Variants in PTPRD observed in about 807,000 individuals in gnomAD.
The protein encoded by PTPRD is receptor-type tyrosine-protein phosphatase delta.
Under a neutral mutation model 214.5 loss-of-function variants are expected in PTPRD, and 34 were observed. The observed-to-expected ratio is 0.16, with a 90% confidence interval of 0.12 to 0.21. The LOEUF (loss-of-function observed/expected upper bound fraction) is 0.21, where lower values mean the gene tolerates loss of function less well. PTPRD is among the 10% of genes least tolerant of loss of function. The pLI is 1.00. For synonymous variants in PTPRD, 1,128 were observed against 845.7 expected, an observed-to-expected ratio of 1.33 and a Z score of -5.79; for missense variants, 2,545 against 2,398.7, an observed-to-expected ratio of 1.06 and a Z score of -1.27.
chr9:9,360,122 GT>G (rs1204923941), intron 9 of PTPRD, among the ~76,000 whole-genome samples: 1 of 151,102 alleles, frequency 6.6e-6, no homozygotes, highest in Non-Finnish European at 1.5e-5. Context: ...TAAGTACAAT[GT>G]GTTTAGATTT....
chr9:10,027,344 G>C (rs2096943746), intron 4 of PTPRD, among the ~76,000 whole-genome samples: 1 of 152,150 alleles, frequency 6.6e-6, no homozygotes, highest in Non-Finnish European at 1.5e-5. Context: ...GGGGAAAAGA[G>C]GTAGACAGAA....
intron 5 of PTPRD, among the ~76,000 whole-genome samples, chr9:9,832,987 A>C (rs1348397295): frequency 6.6e-6 from 1 of 151,906 alleles, no homozygotes; most frequent in Non-Finnish European, 1.5e-5. Flanking sequence ...AAATAATTCC[A>C]GGCCTGTTTT....
intron 11 of PTPRD, among the ~76,000 whole-genome samples, chr9:8,841,700 T>G (rs750076383): frequency 1.1e-5 from 1 of 89,024 alleles, no homozygotes; most frequent in Non-Finnish European, 2.1e-5. Context: ...ACTTAGAGTC[T>G]CAGAAGTGAC....
At chr9:8,392,443 T>C (rs1264697227) in intron 36 of PTPRD, among the ~76,000 whole-genome samples, 1 of 152,008 alleles carries the variant, frequency 6.6e-6, no homozygotes, top group East Asian at 1.9e-4. Flanking sequence ...GGAGGATCAT[T>C]TGAGTCCAGG....
At chr9:10,419,640 T>C (rs115511667) in intron 2 of PTPRD, among the ~76,000 whole-genome samples, 2,479 of 151,906 alleles carry the variant, frequency 0.016, 50 homozygotes, top group South Asian at 0.049. Flanking sequence ...GCTTTCTTAA[T>C]TTTTTTAAAC....
intron 3 of PTPRD, among the ~76,000 whole-genome samples, chr9:10,323,683 G>C (rs1226437596): frequency 6.6e-6 from 1 of 151,874 alleles, no homozygotes; most frequent in Non-Finnish European, 1.5e-5. Flanking sequence ...AATGTCATCT[G>C]TTTAATATGC....
chr9:9,232,664 A>G (rs2099963850), intron 9 of PTPRD, among the ~76,000 whole-genome samples: 1 of 152,120 alleles, frequency 6.6e-6, no homozygotes, highest in Non-Finnish European at 1.5e-5. Context: ...TCTTTTGTTT[A>G]GTTTTATATA....
intron 11 of PTPRD, among the ~76,000 whole-genome samples, chr9:8,946,523 T>C (rs1382224546): frequency 6.6e-6 from 1 of 152,178 alleles, no homozygotes; most frequent in African/African-American, 2.4e-5. Flanking sequence ...TAGCATACTC[T>C]TGGTAGCTGT....
intron 11 of PTPRD, among the ~76,000 whole-genome samples, chr9:8,983,461 G>A (rs2099324158): frequency 1.3e-5 from 2 of 151,910 alleles, no homozygotes; most frequent in African/African-American, 4.8e-5. Context: ...TTTCTCTTAA[G>A]TGACTTTTTT....
rs552478335 is a variant in PTPRD at position 8,450,159 on chromosome 9, C to T, written c.3876-322G>A. Among the ~76,000 whole-genome samples, 3 of 152,222 alleles carry T rather than the reference C, an allele frequency of 2.0e-5. No homozygotes were observed. The East Asian group carries it at 5.8e-4, about 29-fold the overall frequency. On this transcript the variant is annotated intron_variant, in intron 33 of 45. Coordinates refer to ENST00000381196, the MANE Select transcript of PTPRD (RefSeq NM_002839.4). ...CCCTTATTGAGCAATTCTCTCTTAT[C>T]TACTAGTTCTATTTGTGAGGAACAG... is the stretch of plus-strand genomic sequence containing the variant.
chr9:9,808,459 A>G (rs1408132), intron 5 of PTPRD, among the ~76,000 whole-genome samples: 86,777 of 151,886 alleles, frequency 0.57, 27,899 homozygotes, highest in East Asian at 0.88. Flanking sequence ...ATTAACCACT[A>G]GAGAAAAGAA....
chr9:9,214,087 G>C (rs2099950581), intron 9 of PTPRD, among the ~76,000 whole-genome samples: 1 of 152,110 alleles, frequency 6.6e-6, no homozygotes, highest in Non-Finnish European at 1.5e-5. Context: ...GGTAACCATG[G>C]AAGAATTCTC....
chr9:8,396,571 C>T (rs183610938), intron 36 of PTPRD, among the ~76,000 whole-genome samples: 4 of 152,226 alleles, frequency 2.6e-5, no homozygotes, highest in East Asian at 3.9e-4. Flanking sequence ...AATAAACTCA[C>T]TCCCAGAGCT....
At chr9:9,815,519 A>G (rs1488342847) in intron 5 of PTPRD, among the ~76,000 whole-genome samples, 3 of 152,200 alleles carry the variant, frequency 2.0e-5, no homozygotes, top group East Asian at 1.9e-4. Context: ...CCAGTGGTCT[A>G]TATCAAAGTA....
At chr9:9,817,956 G>A (rs963633749) in intron 5 of PTPRD, among the ~76,000 whole-genome samples, 4 of 152,166 alleles carry the variant, frequency 2.6e-5, no homozygotes, top group Admixed American at 1.3e-4. Flanking sequence ...TAGGTATAGA[G>A]TCAAAATGTT....
intron 8 of PTPRD, among the ~76,000 whole-genome samples, chr9:9,559,363 G>A (rs891742531): frequency 2.6e-5 from 4 of 152,198 alleles, no homozygotes; most frequent in African/African-American, 9.6e-5. Flanking sequence ...AATGAACACT[G>A]GCACTTAGCT....
intron 11 of PTPRD, among the ~76,000 whole-genome samples, chr9:8,830,923 C>T (rs1243024223): frequency 6.6e-6 from 1 of 152,066 alleles, no homozygotes; most frequent in African/African-American, 2.4e-5. Flanking sequence ...GCTTAATCAG[C>T]AAGTGATATA....
rs956742785 is a variant in PTPRD, at chr9:8,818,879, C to G, written c.-103-84933G>C. ...AACACATAGCTGTTTGTTCGTACAACAGATTTAAACAATTACTCCCGAAGA... is the reference window on the plus strand; with the variant it reads ...AACACATAGCTGTTTGTTCGTACAAGAGATTTAAACAATTACTCCCGAAGA... On this transcript the variant is annotated intron_variant, in intron 11 of 45. Transcript: ENST00000381196. 5.3e-5 allele frequency among the ~76,000 whole-genome samples: 8 copies of G among 152,290 alleles called. No homozygotes were observed. In the East Asian group the frequency reaches 1.3e-3, roughly 26 times the overall value.
At chr9:8,973,132 G>C (rs777614390) in intron 11 of PTPRD, among the ~76,000 whole-genome samples, 1 of 152,002 alleles carries the variant, frequency 6.6e-6, no homozygotes, top group Non-Finnish European at 1.5e-5. Context: ...GGTGTCAAAT[G>C]TATAGATTTG....
Sources: gnomAD v4.1 joint callset for allele counts (sites outside exome capture counted in the v4.1 genomes callset) on GRCh38, gnomAD v4.1.1 for gene constraint, MANE v1.5 for transcripts, NCBI Gene and HGNC (gene_info 2026-07-23, HGNC 2026-07-21) for gene names.